Variants in DEAF1 observed in about 807,000 individuals in gnomAD.
The protein encoded by DEAF1 is DEAF1 transcription factor, also known as deformed epidermal autoregulatory factor 1 homolog.
DEAF1 carries 53 observed loss-of-function variants against 58.9 expected under a neutral mutation model. The ratio of observed to expected loss-of-function variants is 0.90; its 90% CI spans 0.72 to 1.13. The LOEUF is 1.13. DEAF1 is among the 50% of genes most tolerant of loss of function. The pLI is 0.00. For missense variants in DEAF1, 685 were observed against 791.4 expected, an observed-to-expected ratio of 0.87 and a Z score of 1.61; for synonymous variants, 385 against 340.4, an observed-to-expected ratio of 1.13 and a Z score of -1.44.
At chr11:661,601 T>G (rs1405062853) in intron 10 of DEAF1, among the ~76,000 whole-genome samples, 1 of 152,050 alleles carries the variant, frequency 6.6e-6, no homozygotes, top group East Asian at 1.9e-4. Flanking sequence ...CCCCAGCTAC[T>G]CGGGAGGCTG....
chr11:694,973 C>T lies in DEAF1; in HGVS notation c.75G>A (p.Val25=), dbSNP rs775114086. The part of the protein sequence containing the change: ...EAAAVAAAAA[V]AAAAAAAAGG... ...CTGCCGCGGCCGCGGCCGCCGCCGC[C>T]ACAGCGGCCGCGGCCGCCACCGCCG... Residue 25 remains valine, a synonymous_variant, in exon 1 of 12, where the codon GTG becomes GTA. Transcript: ENST00000382409. 2.1e-5 allele frequency: 25 copies of T among 1,171,240 alleles called. No homozygotes were observed. The African/African-American group carries it at 3.6e-4, about 17-fold the overall frequency. The allele number at this position is 1,171,240 out of a possible 1,614,324, so 72.6% of individuals were successfully genotyped here. A position where few individuals can be genotyped will look rare whatever the true frequency, so the allele number is the denominator to read the frequency against.
At chr11:651,927 G>A (rs923956354) in intron 11 of DEAF1, among the ~76,000 whole-genome samples, 4 of 152,102 alleles carry the variant, frequency 2.6e-5, no homozygotes, top group African/African-American at 9.7e-5. Context: ...AGTAATAGCT[G>A]GAGAGTTCAA....
intron 6 of DEAF1, among the ~76,000 whole-genome samples, chr11:681,504 G>A (rs970403789): frequency 6.6e-6 from 1 of 151,514 alleles, no homozygotes; most frequent in East Asian, 1.9e-4. Flanking sequence ...TCTGCCTCCC[G>A]GGTTCATGCC....
At chr11:663,435 G>A (rs897205200) in intron 10 of DEAF1, among the ~76,000 whole-genome samples, 3 of 152,164 alleles carry the variant, frequency 2.0e-5, no homozygotes, top group African/African-American at 4.8e-5. Context: ...GTGACAGAGT[G>A]AGACTCAACA....
chr11:669,667 T>C (rs1192582261), intron 10 of DEAF1, among the ~76,000 whole-genome samples: 1 of 148,378 alleles, frequency 6.7e-6, no homozygotes, highest in Non-Finnish European at 1.5e-5. Context: ...CGGTGGCTCA[T>C]GCCTGTAATC....
chr11:695,417 C>G (rs1311889019), upstream of DEAF1: 2 of 427,338 alleles, frequency 4.7e-6, no homozygotes, highest in Non-Finnish European at 7.9e-6. Flanking sequence ...CCTCACTGTC[C>G]TGACAGGCTG....
chr11:703,818 C>A (rs1452497853), intron 1 of DEAF1: 25 of 1,233,596 alleles, frequency 2.0e-5, no homozygotes, highest in Non-Finnish European at 2.5e-5. Flanking sequence ...GAGGAGAGGT[C>A]AGGGCTAAGG....
intron 1 of DEAF1, chr11:693,461 C>G (rs1422016296): frequency 6.6e-6 from 1 of 152,336 alleles, no homozygotes; most frequent in Non-Finnish European, 1.5e-5. Context: ...GAACAAGCAC[C>G]CAGAGCACAC....
At chr11:685,177 C>G (rs1860540615) in intron 5 of DEAF1, among the ~76,000 whole-genome samples, 1 of 150,844 alleles carries the variant, frequency 6.6e-6, no homozygotes, top group Admixed American at 6.7e-5. Context: ...CTCTGCCTCC[C>G]CGGCGCAAGC....
chr11:676,844 G>A (rs1204297418), intron 9 of DEAF1, among the ~76,000 whole-genome samples: 1 of 152,170 alleles, frequency 6.6e-6, no homozygotes, highest in Non-Finnish European at 1.5e-5. Flanking sequence ...AAAGGAACTA[G>A]CACAAACCCT....
intron 10 of DEAF1, among the ~76,000 whole-genome samples, chr11:670,783 T>G (rs1267303843): frequency 1.2e-4 from 18 of 145,948 alleles, no homozygotes; most frequent in Admixed American, 2.7e-4. Context: ...TTTTGTTTTT[T>G]TTTTTTTTTT....
intron 8 of DEAF1, among the ~76,000 whole-genome samples, 186 bp downstream of exon 8, chr11:679,502 C>A (rs1860242269): frequency 6.6e-6 from 1 of 152,196 alleles, no homozygotes; most frequent in Non-Finnish European, 1.5e-5. Flanking sequence ...CTGCCACACG[C>A]CAACCCCATC....
chr11:665,330 AC>A (rs1269007180), intron 10 of DEAF1, among the ~76,000 whole-genome samples: 1 of 152,118 alleles, frequency 6.6e-6, no homozygotes, highest in Admixed American at 6.6e-5. Context: ...AGGGTGTCAC[AC>A]TCAGAGCCTC....
chr11:647,714 G>A (rs538851506), intron 11 of DEAF1, among the ~76,000 whole-genome samples: 55 of 152,302 alleles, frequency 3.6e-4, no homozygotes, highest in African/African-American at 1.2e-3. Flanking sequence ...TCTCCTGGGC[G>A]ATCCAACTCA....
intron 11 of DEAF1, among the ~76,000 whole-genome samples, chr11:653,555 TTG>T (rs1273365640): frequency 1.2e-4 from 17 of 146,562 alleles, no homozygotes; most frequent in African/African-American, 3.9e-4. Context: ...ACAGTCTCTC[TTG>T]CGTGGCTCTG....
At chr11:662,255 C>T (rs1300226018) in intron 10 of DEAF1, among the ~76,000 whole-genome samples, 5 of 152,170 alleles carry the variant, frequency 3.3e-5, no homozygotes, top group Non-Finnish European at 7.3e-5. Flanking sequence ...TGCACTCCAG[C>T]CTGGGCAACA....
intron 11 of DEAF1, among the ~76,000 whole-genome samples, chr11:645,021 G>A (rs897336464): frequency 6.6e-6 from 1 of 151,898 alleles, no homozygotes; most frequent in Admixed American, 6.6e-5. Flanking sequence ...AAATTAGCTG[G>A]GCATGGTGGC....
chr11:704,250 G>A lies in DEAF1; in HGVS notation c.-438+2322C>T, dbSNP rs1253355159. ...GCCTCGCCCTCGGGCCCTGGCTGCC[G>A]GGCGCCTTCCGCTCGGTGGACTCCT... On this transcript the variant is annotated intron_variant, in intron 1 of 11. Coordinates refer to the DEAF1 transcript ENST00000683307. 1.4e-5 allele frequency: 11 copies of A among 786,240 alleles called. No individual in the cohort carries two copies. In the Admixed American group the frequency reaches 1.5e-4, roughly 11 times the overall value. The allele number at this position is 786,240 out of a possible 1,614,324, so 48.7% of individuals were successfully genotyped here.
chr11:661,700 A>G (rs886137038), intron 10 of DEAF1, among the ~76,000 whole-genome samples: 1 of 152,034 alleles, frequency 6.6e-6, no homozygotes, highest in Non-Finnish European at 1.5e-5. Context: ...ACAAGAGCGA[A>G]ACTCCATCTC....
Sources: allele counts gnomAD v4.1 joint callset (sites outside exome capture counted in the v4.1 genomes callset), GRCh38; gene constraint gnomAD v4.1.1; transcripts MANE v1.5; gene names NCBI Gene and HGNC (gene_info 2026-07-23, HGNC 2026-07-21).